The following IPO11 variants were observed in gnomAD, a reference collection of about 807,000 sequenced individuals.
The protein encoded by IPO11 is importin-11.
In IPO11, 66 loss-of-function variants were observed where a neutral mutation model predicts 143.2. The ratio of observed to expected loss-of-function variants is 0.46; its 90% CI spans 0.38 to 0.57. IPO11 has a LOEUF of 0.57. Among genes scored for constraint, IPO11 ranks in the 20% least tolerant of loss-of-function variants. The probability of loss-of-function intolerance (pLI) is 0.00; values close to 1 mark genes in which losing one functional copy is unlikely to be tolerated. For synonymous variants in IPO11, 385 were observed against 377.8 expected, an observed-to-expected ratio of 1.02 and a Z score of -0.22; for missense variants, 1,026 against 1,141.0, an observed-to-expected ratio of 0.90 and a Z score of 1.45.
At chr5:62,551,042 G>A (rs1442013007) in intron 25 of IPO11, among the ~76,000 whole-genome samples, 181 bp from the exon 26 acceptor site, 2 of 148,010 alleles carry the variant, frequency 1.4e-5, no homozygotes, top group Non-Finnish European at 1.5e-5. Flanking sequence ...TATATATGGT[G>A]CATATAATTC....
intron 29 of IPO11, among the ~76,000 whole-genome samples, chr5:62,610,161 A>AG (rs1253432445): frequency 1.3e-5 from 2 of 152,216 alleles, no homozygotes; most frequent in African/African-American, 4.8e-5. Flanking sequence ...ATACTGTTTG[A>AG]GTGAATAAAA....
At chr5:62,477,239 T>G (rs1380666064) in intron 9 of IPO11, among the ~76,000 whole-genome samples, 2 of 152,212 alleles carry the variant, frequency 1.3e-5, no homozygotes, top group Non-Finnish European at 2.9e-5. Context: ...TAACTTTTAA[T>G]GATATTTTGG....
At chr5:62,588,932 C>G (rs563180748) in intron 27 of IPO11, among the ~76,000 whole-genome samples, 1 of 152,158 alleles carries the variant, frequency 6.6e-6, no homozygotes, top group Non-Finnish European at 1.5e-5. Context: ...ACCCACGTGC[C>G]TAATACATAA....
At chr5:62,458,832 CA>C (rs1405980666) in intron 5 of IPO11, among the ~76,000 whole-genome samples, 1 of 152,176 alleles carries the variant, frequency 6.6e-6, no homozygotes, top group East Asian at 1.9e-4. Context: ...TTGAATATAG[CA>C]TGGTGCGTAC....
chr5:62,612,281 G>T (rs1049952060), intron 29 of IPO11, among the ~76,000 whole-genome samples: 1 of 152,078 alleles, frequency 6.6e-6, no homozygotes, highest in Non-Finnish European at 1.5e-5. Flanking sequence ...AGTAAGACAG[G>T]CCAACGGATT....
At chr5:62,582,761 T>C (rs1485535404) in intron 27 of IPO11, among the ~76,000 whole-genome samples, 2 of 152,178 alleles carry the variant, frequency 1.3e-5, no homozygotes, top group African/African-American at 2.4e-5. Context: ...AGAAGTAATA[T>C]AATGGTTTTC....
chr5:62,591,754 T>G, intron 28 of IPO11, 82 bp downstream of exon 28: 1 of 807,172 alleles, frequency 1.2e-6, no homozygotes, highest in Non-Finnish European at 2.0e-6. Context: ...ACCATCACTC[T>G]ATAAGCACAG....
At chr5:62,443,987 A>G (rs556981047) in intron 3 of IPO11, among the ~76,000 whole-genome samples, 4 of 152,328 alleles carry the variant, frequency 2.6e-5, no homozygotes, top group African/African-American at 9.6e-5. Flanking sequence ...CAGTCTGAAT[A>G]CTTCAAAATG....
chr5:62,626,875 A>G lies in IPO11; in HGVS notation c.2764-279A>G, dbSNP rs943068925. ...TGTTTCTTTTAGAATGCTTTCTACTAGGCTTTGATGCTTTAAATGAATGAG... is the reference window on the plus strand; with the variant it reads ...TGTTTCTTTTAGAATGCTTTCTACTGGGCTTTGATGCTTTAAATGAATGAG... On this transcript the variant is annotated intron_variant, in intron 29 of 29. Coordinates refer to ENST00000325324, the MANE Select transcript of IPO11 (RefSeq NM_016338.5). Among the ~76,000 whole-genome samples, 3 of 152,196 alleles carry G rather than the reference A, an allele frequency of 2.0e-5. No homozygotes were observed. In the East Asian group the frequency reaches 5.8e-4, roughly 29 times the overall value.
intron 1 of IPO11, among the ~76,000 whole-genome samples, chr5:62,425,931 T>C (rs1320508569): frequency 6.6e-6 from 1 of 152,216 alleles, no homozygotes; most frequent in Non-Finnish European, 1.5e-5. Flanking sequence ...AGTAAGAACA[T>C]TAAGTACCTA....
intron 28 of IPO11, 133 bp from the exon 29 acceptor site, chr5:62,601,631 T>G (rs1380797019): frequency 1.2e-5 from 5 of 433,550 alleles, no homozygotes; most frequent in Admixed American, 4.4e-5. Context: ...AATTATCTAG[T>G]CTTTTTCTCA....
intron 5 of IPO11, among the ~76,000 whole-genome samples, chr5:62,455,379 T>G (rs1338212335): frequency 6.6e-6 from 1 of 152,032 alleles, no homozygotes; most frequent in African/African-American, 2.4e-5. Flanking sequence ...AAAAATTAGC[T>G]GGGCATGGTG....
chr5:62,461,862 G>A (rs967372979), intron 5 of IPO11, among the ~76,000 whole-genome samples: 2 of 152,058 alleles, frequency 1.3e-5, no homozygotes, highest in African/African-American at 4.8e-5. Flanking sequence ...TTATACTTAC[G>A]TTGAACATCT....
intron 24 of IPO11, among the ~76,000 whole-genome samples, chr5:62,546,259 T>C (rs541237920): frequency 6.6e-6 from 1 of 152,328 alleles, no homozygotes; most frequent in African/African-American, 2.4e-5. Flanking sequence ...CATGGAATAC[T>C]ATGCAGCCAT....
intron 28 of IPO11, among the ~76,000 whole-genome samples, chr5:62,600,186 C>A (rs1391514824): frequency 1.3e-5 from 2 of 152,092 alleles, no homozygotes; most frequent in Non-Finnish European, 2.9e-5. Flanking sequence ...ATTACAGGAG[C>A]CTGCCACCAC....
intron 12 of IPO11, 135 bp from the exon 13 acceptor site, chr5:62,487,636 T>C (rs1333774043): frequency 1.7e-5 from 17 of 984,810 alleles, no homozygotes; most frequent in South Asian, 1.4e-4. Context: ...CCTTACTTTT[T>C]TTTTTTAACA....
At chr5:62,501,610 C>T (rs1174157949) in intron 16 of IPO11, among the ~76,000 whole-genome samples, 1 of 151,996 alleles carries the variant, frequency 6.6e-6, no homozygotes, top group Non-Finnish European at 1.5e-5. Context: ...GCTTTCTATC[C>T]TTTTAGGAAA....
chr5:62,492,624 ATC>A lies in IPO11; in HGVS notation c.1464-1370_1464-1369del, dbSNP rs528305010. Among the ~76,000 whole-genome samples the A allele has an allele frequency of 1.3e-3, 198 of 152,140 alleles. 1 individual carries two copies. Among genetic ancestry groups the A allele is most frequent in the African/African-American group, 4.3e-3 (178 of 41,520 alleles). ...AGTGCCATGATGTTGGCCCACTGCA[ATC>A]TCTGCTTCCTGGGCTCAAGTGATCC... is the stretch of plus-strand genomic sequence containing the variant. On this transcript the variant is annotated intron_variant, in intron 15 of 29. Coordinates refer to ENST00000325324, the MANE Select transcript of IPO11 (RefSeq NM_016338.5).
intron 5 of IPO11, among the ~76,000 whole-genome samples, chr5:62,454,885 T>C (rs1275198563): frequency 3.3e-5 from 5 of 151,980 alleles, no homozygotes; most frequent in Non-Finnish European, 7.4e-5. Context: ...GATTTCAGAG[T>C]GATATAGGGC....
Sources: gnomAD v4.1 joint callset for allele counts (sites outside exome capture counted in the v4.1 genomes callset) on GRCh38, gnomAD v4.1.1 for gene constraint, MANE v1.5 for transcripts, NCBI Gene and HGNC (gene_info 2026-07-23, HGNC 2026-07-21) for gene names.